Variants in AGMO observed in about 807,000 individuals in gnomAD.
The protein encoded by AGMO is glyceryl-ether monooxygenase.
Under a neutral mutation model 60.2 loss-of-function variants are expected in AGMO, and 75 were observed. That is an observed-to-expected ratio of 1.25 (90% CI 1.03 to 1.51). AGMO has a LOEUF of 1.51. Ranked by LOEUF, AGMO falls within the 40% of genes most tolerant of loss-of-function variation. The probability of loss-of-function intolerance (pLI) is 0.00; values close to 1 mark genes in which losing one functional copy is unlikely to be tolerated. For synonymous variants in AGMO, 261 were observed against 177.1 expected (o/e 1.47, Z -3.76); for missense variants, 763 against 525.5 (o/e 1.45, Z -4.42).
intron 12 of AGMO, among the ~76,000 whole-genome samples, chr7:15,203,531 G>A (rs1436783358): frequency 7.5e-6 from 1 of 133,706 alleles, no homozygotes; most frequent in East Asian, 2.2e-4. Flanking sequence ...TTGCTTGCTT[G>A]TTTCAGGCTC....
chr7:15,456,987 A>G (rs188116815), intron 3 of AGMO, among the ~76,000 whole-genome samples: 28 of 152,284 alleles, frequency 1.8e-4, no homozygotes, highest in African/African-American at 5.5e-4. Context: ...CACATGTTCA[A>G]TTAGCCATAT....
At position 15,250,556 on chromosome 7, in the gene AGMO, A is replaced by AAC. The variant is rs35821350; in HGVS notation, c.1264-49199_1264-49198dup. Among the ~76,000 whole-genome samples the AAC allele has an allele frequency of 7.3e-3, 1,089 of 149,458 alleles. 7 individuals are homozygous for AAC. The highest frequency in any genetic ancestry group is 0.017 in the Middle Eastern group (5 of 292). On this transcript the variant is annotated intron_variant, in intron 12 of 12. Coordinates refer to ENST00000342526, the MANE Select transcript of AGMO (RefSeq NM_001004320.2). ...AATTGAAGTACACACACACACACTA[A>AAC]ACACACACACACACACACACACACA...
At chr7:15,414,942 A>T (rs1780715592) in intron 5 of AGMO, among the ~76,000 whole-genome samples, 1 of 152,172 alleles carries the variant, frequency 6.6e-6, no homozygotes, top group Non-Finnish European at 1.5e-5. Context: ...TGTACAAAGA[A>T]ATCTGGCATC....
intron 10 of AGMO, among the ~76,000 whole-genome samples, chr7:15,367,710 T>C (rs747099322): frequency 1.8e-4 from 28 of 152,086 alleles, no homozygotes; most frequent in African/African-American, 5.3e-4. Flanking sequence ...ATTCAAAGTA[T>C]TGGACACAGT....
intron 12 of AGMO, among the ~76,000 whole-genome samples, chr7:15,246,557 A>C (rs1782748846): frequency 6.6e-6 from 1 of 152,158 alleles, no homozygotes; most frequent in South Asian, 2.1e-4. Context: ...TTGTAGCCCC[A>C]AATATACATC....
intron 6 of AGMO, among the ~76,000 whole-genome samples, chr7:15,393,743 T>C (rs1784247873): frequency 6.6e-6 from 1 of 151,228 alleles, no homozygotes; most frequent in Non-Finnish European, 1.5e-5. Context: ...ACTAACTCTC[T>C]GACTATAGAT....
At chr7:15,142,696 A>G in the AGMO span, among the ~76,000 whole-genome samples, 1 of 152,194 alleles carries the variant, frequency 6.6e-6, no homozygotes, top group African/African-American at 2.4e-5. Context: ...TGGTCCAGCA[A>G]TGCAACCTTC....
chr7:15,430,871 G>A, intron 4 of AGMO, 134 bp downstream of exon 4: 1 of 518,318 alleles, frequency 1.9e-6, no homozygotes. Flanking sequence ...TTTAGCATCT[G>A]GCTTTAGAAA....
At chr7:15,535,682 T>C (rs1784468255) in intron 3 of AGMO, among the ~76,000 whole-genome samples, 1 of 151,986 alleles carries the variant, frequency 6.6e-6, no homozygotes, top group Admixed American at 6.6e-5. Flanking sequence ...TAGGTGTATA[T>C]ATTTATGGGG....
At chr7:15,141,350 G>A in the AGMO span, among the ~76,000 whole-genome samples, 23 of 152,236 alleles carry the variant, frequency 1.5e-4, no homozygotes, top group African/African-American at 3.6e-4. Flanking sequence ...TTGGGAGGCC[G>A]CAGCCGGCAG....
the AGMO span, among the ~76,000 whole-genome samples, chr7:15,155,249 T>C: frequency 6.6e-6 from 1 of 152,082 alleles, no homozygotes; most frequent in Non-Finnish European, 1.5e-5. Context: ...GTCTCAGCTT[T>C]GGTCTCTTTA....
chr7:15,544,810 ACTC>A lies in AGMO; in HGVS notation c.368_370del (p.Gly123del). The A allele has an allele frequency of 6.2e-7, 1 of 1,608,036 alleles. No individual in the cohort carries two copies. The highest frequency in any genetic ancestry group is 8.5e-7 in the Non-Finnish European group (1 of 1,177,168). On this transcript the variant is annotated inframe_deletion, in exon 3 of 13. Coordinates refer to ENST00000342526, the MANE Select transcript of AGMO (RefSeq NM_001004320.2). ...ATGGAACCAGTAGTAGCCAAAGTCA[ACTC>A]CTAAGAAGGCTGAATACCAAGTCCA...
intron 3 of AGMO, among the ~76,000 whole-genome samples, chr7:15,497,483 C>A (rs1203982749): frequency 6.6e-6 from 1 of 151,994 alleles, no homozygotes; most frequent in East Asian, 1.9e-4. Flanking sequence ...CAAACATCAT[C>A]AAGGCATAGA....
intron 12 of AGMO, among the ~76,000 whole-genome samples, chr7:15,271,574 T>C (rs565251222): frequency 3.3e-5 from 5 of 152,234 alleles, no homozygotes; most frequent in African/African-American, 1.2e-4. Flanking sequence ...TGAAGGAATA[T>C]TTGGGGTTTT....
chr7:15,543,856 C>T (rs1784696503), intron 3 of AGMO, among the ~76,000 whole-genome samples: 1 of 151,590 alleles, frequency 6.6e-6, no homozygotes, highest in Non-Finnish European at 1.5e-5. Context: ...GGTGGATCTA[C>T]TTTTCCTTCT....
intron 12 of AGMO, among the ~76,000 whole-genome samples, chr7:15,350,402 G>A (rs1782197232): frequency 6.6e-6 from 1 of 152,166 alleles, no homozygotes; most frequent in Non-Finnish European, 1.5e-5. Context: ...TGTCCTTGGA[G>A]TATGTAAGCA....
At chr7:15,418,441 C>A (rs1197485589) in intron 5 of AGMO, 117 bp downstream of exon 5, 2 of 649,250 alleles carry the variant, frequency 3.1e-6, no homozygotes, top group Non-Finnish European at 5.3e-6. Flanking sequence ...GATGTTTCTC[C>A]TTAGAAAAGG....
In AGMO at chr7:15,325,418, A is replaced by G. The variant is rs573859262; in HGVS notation, c.1263+40096T>C. On this transcript the variant is annotated intron_variant, in intron 12 of 12. Transcript: ENST00000342526. The stretch of plus-strand genomic sequence containing the variant: ...ATTTAATCAGTGAGCGTTCAAGGGC[A>G]TGTCAGATTAAGATTAACCTTAAAA... Among the ~76,000 whole-genome samples, 20 of 151,836 alleles carry G rather than the reference A, an allele frequency of 1.3e-4. No homozygotes were observed. The East Asian group carries it at 3.9e-3, about 29-fold the overall frequency.
chr7:15,549,182 G>T, intron 2 of AGMO, among the ~76,000 whole-genome samples: 1 of 144,658 alleles, frequency 6.9e-6, no homozygotes, highest in Non-Finnish European at 1.5e-5. Flanking sequence ...AACATGGAAA[G>T]GAACAACCGG....
Sources: gnomAD v4.1 joint callset for allele counts (sites outside exome capture counted in the v4.1 genomes callset) on GRCh38, gnomAD v4.1.1 for gene constraint, MANE v1.5 for transcripts, NCBI Gene and HGNC (gene_info 2026-07-23, HGNC 2026-07-21) for gene names.